PLOD1: variants seen among roughly 807,000 people sequenced by gnomAD.
The protein encoded by PLOD1 is lysine hydroxylase.
Under a neutral mutation model 94.7 loss-of-function variants are expected in PLOD1, and 70 were observed. The ratio of observed to expected loss-of-function variants is 0.74; its 90% CI spans 0.61 to 0.90. PLOD1 has a LOEUF of 0.90. PLOD1 is among the 40% of genes least tolerant of loss of function. The probability of loss-of-function intolerance (pLI) is 0.00; values close to 1 mark genes in which losing one functional copy is unlikely to be tolerated. For missense variants in PLOD1, 905 were observed against 972.7 expected (o/e 0.93, Z 0.93); for synonymous variants, 417 against 400.2 (o/e 1.04, Z -0.50).
chr1:11,971,326 T>G (rs2100765474), intron 17 of PLOD1, among the ~76,000 whole-genome samples: 1 of 147,446 alleles, frequency 6.8e-6, no homozygotes, highest in East Asian at 2.0e-4. Flanking sequence ...TGGAGGAACA[T>G]CCCAGCTTAT....
At chr1:11,955,007 G>A in intron 6 of PLOD1, 114 bp downstream of exon 6, 1 of 817,314 alleles carries the variant, frequency 1.2e-6, no homozygotes, top group Non-Finnish European at 2.1e-6. Flanking sequence ...CCATTGTGCT[G>A]AGAGGTCACT....
rs778205353 is a variant in PLOD1 at position 11,974,714 on chromosome 1, C to CCA, written c.2091_2092insAC (p.Leu698ThrfsTer117). On this transcript the variant is annotated frameshift_variant, in exon 19 of 19. Coordinates refer to ENST00000196061, the MANE Select transcript of PLOD1 (RefSeq NM_000302.4). LOFTEE classifies it high-confidence loss of function. The stretch of plus-strand genomic sequence containing the variant: ...ATCCGAGCCCCAAGGAAGGGCTGGA[C>CCA]CCTCATGCACCCTGGACGACTCACG... 1.2e-6 allele frequency: 2 copies of CCA among 1,613,780 alleles called. No individual in the cohort carries two copies. The highest frequency in any genetic ancestry group is 1.7e-6 in the Non-Finnish European group (2 of 1,179,704).
Position 11,947,956 on chromosome 1 carries a change from A to C in PLOD1, c.77-20A>C, listed in dbSNP as rs1353336563. 1.1e-5 allele frequency: 17 copies of C among 1,530,644 alleles called. No homozygotes were observed. The highest frequency in any genetic ancestry group is 1.4e-5 in the Non-Finnish European group (16 of 1,104,026). 94.8% of individuals were successfully genotyped at this position (1,530,644 alleles called of 1,614,324 possible). ...CCCTCATCCTCCATTCCCATTCACC[A>C]TACCCTCCTCTGTCTGCAGACAACC... On this transcript the variant is annotated intron_variant, in intron 1 of 18. Coordinates refer to ENST00000196061, the MANE Select transcript of PLOD1 (RefSeq NM_000302.4).
At chr1:11,953,656 G>C (rs931238166) in intron 5 of PLOD1, among the ~76,000 whole-genome samples, 2 of 151,616 alleles carry the variant, frequency 1.3e-5, no homozygotes, top group African/African-American at 4.8e-5. Context: ...GCCGTGCGTG[G>C]TGGTGGGTGC....
chr1:11,943,760 C>T (rs772306401), intron 1 of PLOD1, among the ~76,000 whole-genome samples: 30 of 152,152 alleles, frequency 2.0e-4, no homozygotes, highest in Non-Finnish European at 3.8e-4. Context: ...CAACAGATGG[C>T]CTGGCCACCG....
At chr1:11,943,300 CTT>C (rs1553132909) in intron 1 of PLOD1, among the ~76,000 whole-genome samples, 8 of 141,374 alleles carry the variant, frequency 5.7e-5, no homozygotes, top group Non-Finnish European at 4.6e-5. Context: ...TTTTTTCTTT[CTT>C]TTTTTTTTTT....
At position 11,965,421 on chromosome 1, in the gene PLOD1, G is replaced by C. The variant is rs549496445; in HGVS notation, c.1471-59G>C. 7.1e-5 allele frequency: 69 copies of C among 978,370 alleles called. No individual in the cohort carries two copies. The Admixed American group carries it at 1.2e-3, about 17-fold the overall frequency. The allele number at this position is 978,370 out of a possible 1,614,324, so 60.6% of individuals were successfully genotyped here. A position where few individuals can be genotyped will look rare whatever the true frequency, so the allele number is the denominator to read the frequency against. On this transcript the variant is annotated intron_variant, in intron 13 of 18. Transcript: ENST00000196061. ...TGCCCGTCTGGGAGCGTGCAGGGGA[G>C]GGGTGAGGGCAGGGGAGGGGTGGGG...
rs369261327 is a variant in PLOD1, at chr1:11,971,868, T to C, written c.1903-1004T>C. On this transcript the variant is annotated intron_variant, in intron 17 of 18. Coordinates refer to ENST00000196061, the MANE Select transcript of PLOD1 (RefSeq NM_000302.4). The stretch of plus-strand genomic sequence containing the variant: ...TCCAATAGTGAGGAAAACCCTGAAC[T>C]CCTGTTACTGACAGTTGTCATTCAT... 10 of 152,332 alleles carry C rather than the reference T, an allele frequency of 6.6e-5. No individual in the cohort carries two copies. In the East Asian group the frequency reaches 1.3e-3, roughly 21 times the overall value. 9.4% of individuals were successfully genotyped at this position (152,332 alleles called of 1,614,324 possible).
chr1:11,963,553 C>T lies in PLOD1; in HGVS notation c.1119C>T (p.Arg373=). 1.9e-6 allele frequency: 3 copies of T among 1,602,286 alleles called. No individual in the cohort carries two copies. Among genetic ancestry groups the T allele is most frequent in the East Asian group, 2.2e-5 (1 of 44,490 alleles). ...NMGADLCRQD[R]SCTYYFSVDA... The stretch of plus-strand genomic sequence containing the variant: ...GCAGAGACCTGTGCCGGCAGGACCG[C>T]AGCTGCACCTACTACTTCAGCGTGG... The change falls in exon 11 of 19, where the codon CGC becomes CGT. Residue 373 remains arginine, a synonymous_variant. Coordinates refer to ENST00000196061, the MANE Select transcript of PLOD1 (RefSeq NM_000302.4). The surrounding 1 kb of genome is among the most constrained non-coding windows in gnomAD (Gnocchi z 4.3).
At position 11,971,771 on chromosome 1, in the gene PLOD1, C is replaced by T. The variant is rs183963695; in HGVS notation, c.1902+955C>T. 5.8e-3 allele frequency: 885 copies of T among 152,388 alleles called. 10 individuals carry two copies. Among genetic ancestry groups the T allele is most frequent in the African/African-American group, 0.017 (712 of 41,534 alleles). The allele number at this position is 152,388 out of a possible 1,614,324, so 9.4% of individuals were successfully genotyped here. On this transcript the variant is annotated intron_variant, in intron 17 of 18. Transcript: ENST00000196061. Reference sequence around the variant, plus strand: ...ACCCCTGCCCACCTTAGCTGGCCAGCGTGCCCACTCCCTCCCTAGCCACAA... The same window carrying T: ...ACCCCTGCCCACCTTAGCTGGCCAGTGTGCCCACTCCCTCCCTAGCCACAA...
At chr1:11,952,588 G>T (rs183509111) in intron 4 of PLOD1, 35 bp from the exon 5 acceptor site, 2 of 1,481,734 alleles carry the variant, frequency 1.3e-6, no homozygotes, top group Non-Finnish European at 1.9e-6. Context: ...GGAAGCTAAG[G>T]GTCCGTCTTG....
intron 6 of PLOD1, among the ~76,000 whole-genome samples, 157 bp downstream of exon 6, chr1:11,955,050 G>T (rs1444477847): frequency 6.6e-6 from 1 of 152,192 alleles, no homozygotes; most frequent in Non-Finnish European, 1.5e-5. Context: ...GGGCCACTTG[G>T]ATATCCTGGC....
intron 17 of PLOD1, chr1:11,971,409 G>A (rs934333097): frequency 1.6e-5 from 3 of 182,106 alleles, no homozygotes; most frequent in Admixed American, 1.1e-4. Context: ...ATCTAGTAGC[G>A]TGTGGGAAGA....
chr1:11,965,768 C>G (rs1645812913), intron 14 of PLOD1, among the ~76,000 whole-genome samples, 175 bp downstream of exon 14: 1 of 152,136 alleles, frequency 6.6e-6, no homozygotes, highest in South Asian at 2.1e-4. Context: ...AGAAGGGTGT[C>G]CAGAGAGGCA....
At chr1:11,961,264 G>C (rs553892195) in intron 10 of PLOD1, among the ~76,000 whole-genome samples, 1 of 152,106 alleles carries the variant, frequency 6.6e-6, no homozygotes, top group South Asian at 2.1e-4. Flanking sequence ...TTGAACCTGG[G>C]GTCCCAGCTA....
In PLOD1 at chr1:11,950,464, G is replaced by C. The variant is rs1156606108; in HGVS notation, c.410G>C (p.Arg137Thr). ...SAEELIYPDR[R>T]LETKYPVVSD... The stretch of plus-strand genomic sequence containing the variant: ...GAGGAGCTCATCTACCCAGACCGCA[G>C]GCTGGAGACCAAGTATCCGGTGGTG... Residue 137 changes from arginine to threonine, a missense_variant, in exon 4 of 19, where the codon AGG becomes ACG. Coordinates refer to ENST00000196061, the MANE Select transcript of PLOD1 (RefSeq NM_000302.4). 2.5e-6 allele frequency: 4 copies of C among 1,614,036 alleles called. No individual in the cohort carries two copies. Among genetic ancestry groups the C allele is most frequent in the Non-Finnish European group, 3.4e-6 (4 of 1,179,986 alleles).
chr1:11,954,743 G>T, intron 5 of PLOD1, 87 bp from the exon 6 acceptor site: 1 of 1,028,308 alleles, frequency 9.7e-7, no homozygotes, highest in South Asian at 1.3e-5. Flanking sequence ...CTGAACTTGG[G>T]GACAGATTCC....
At chr1:11,952,098 G>A (rs927920117) in intron 4 of PLOD1, among the ~76,000 whole-genome samples, 2 of 152,162 alleles carry the variant, frequency 1.3e-5, no homozygotes, top group Non-Finnish European at 1.5e-5. Flanking sequence ...CCTTGCCCTG[G>A]CCCAGGCCCA....
rs1056398577 is a variant in PLOD1, at chr1:11,957,942, G to C, written c.842G>C (p.Gly281Ala). 1.2e-6 allele frequency: 2 copies of C among 1,601,384 alleles called. No individual in the cohort carries two copies. Among genetic ancestry groups the C allele is most frequent in the Non-Finnish European group, 1.7e-6 (2 of 1,168,506 alleles). ...DEGLRSLKGI[G>A]DEALPTVLVG... ...GGCTTGCGCAGCCTCAAGGGCATTG[G>C]GGTGAGGCTGCGCCCAGGCCTGTGC... Residue 281 changes from glycine (G) to alanine (A), a missense_variant and splice_region_variant, in exon 8 of 19, where the codon GGG (glycine) becomes GCG (alanine). Gly to Ala is a moderately conservative substitution (Grantham distance 60). Coordinates refer to ENST00000196061, the MANE Select transcript of PLOD1 (RefSeq NM_000302.4). This position sits in a 1 kb window ranked among gnomAD's most constrained non-coding sequence, Gnocchi z 4.1.
Sources: allele counts gnomAD v4.1 joint callset (sites outside exome capture counted in the v4.1 genomes callset), GRCh38; gene constraint gnomAD v4.1.1; non-coding constraint Gnocchi (gnomAD v3.1); transcripts MANE v1.5; gene names NCBI Gene and HGNC (gene_info 2026-07-23, HGNC 2026-07-21).